Variants in GLT1D1 observed in about 807,000 individuals in gnomAD.
GLT1D1 encodes glycosyltransferase 1 domain-containing protein 1.
Under a neutral mutation model 28.7 loss-of-function variants are expected in GLT1D1, and 21 were observed. The ratio of observed to expected loss-of-function variants is 0.73; its 90% confidence interval spans 0.52 to 1.05. GLT1D1 has a LOEUF of 1.05. GLT1D1 is among the 50% of genes least tolerant of loss of function. The probability of loss-of-function intolerance (pLI) is 0.00; values close to 1 mark genes in which losing one functional copy is unlikely to be tolerated. For missense variants in GLT1D1, 343 were observed against 330.6 expected (o/e 1.04, Z -0.29); for synonymous variants, 147 against 124.8 (o/e 1.18, Z -1.19).
chr12:128,872,540 AG>A (rs1417918805), intron 1 of GLT1D1, among the ~76,000 whole-genome samples: 1 of 152,078 alleles, frequency 6.6e-6, no homozygotes, highest in Non-Finnish European at 1.5e-5. Flanking sequence ...GTTGGAGTGG[AG>A]TGCACTTCTG....
At chr12:128,946,267 C>T (rs1445384744) in intron 5 of GLT1D1, among the ~76,000 whole-genome samples, 2 of 152,176 alleles carry the variant, frequency 1.3e-5, no homozygotes, top group African/African-American at 4.8e-5. Flanking sequence ...ATGTCTATGA[C>T]AAAATAGCTG....
intron 3 of GLT1D1, among the ~76,000 whole-genome samples, chr12:128,897,328 C>T (rs939185059): frequency 1.3e-5 from 2 of 152,098 alleles, no homozygotes; most frequent in African/African-American, 4.8e-5. Context: ...ATGTTTCTTC[C>T]AAATTGTTAT....
At chr12:128,963,974 A>G (rs1038720504) in intron 7 of GLT1D1, among the ~76,000 whole-genome samples, 8 of 152,326 alleles carry the variant, frequency 5.3e-5, no homozygotes, top group Non-Finnish European at 1.0e-4. Flanking sequence ...TAAGCAACAA[A>G]CATTTCTCTC....
At chr12:128,854,324 C>G (rs1956153926) in intron 1 of GLT1D1, among the ~76,000 whole-genome samples, 1 of 151,870 alleles carries the variant, frequency 6.6e-6, no homozygotes, top group African/African-American at 2.4e-5. Context: ...CCTGTATTAG[C>G]CGGATAAACA....
At chr12:128,944,490 TGTCAGAGCATCA>T in intron 4 of GLT1D1, 1 of 1,157,850 alleles carries the variant, frequency 8.6e-7, no homozygotes, top group South Asian at 1.2e-5. Flanking sequence ...GCGGCTCCCC[TGTCAGAGCATCA>T]ATGCCCACAG....
intron 4 of GLT1D1, among the ~76,000 whole-genome samples, chr12:128,900,306 A>G (rs1202513729): frequency 6.6e-6 from 1 of 152,232 alleles, no homozygotes; most frequent in Admixed American, 6.5e-5. Flanking sequence ...TGGGAGGATC[A>G]AGGAACAGGG....
intron 1 of GLT1D1, chr12:128,864,051 G>A: frequency 4.0e-6 from 2 of 506,304 alleles, no homozygotes; most frequent in South Asian, 2.9e-5. Flanking sequence ...GGACTTCCAG[G>A]GGCCTGGCTT....
chr12:128,964,101 C>T (rs1220344889), intron 7 of GLT1D1, among the ~76,000 whole-genome samples: 2 of 152,218 alleles, frequency 1.3e-5, no homozygotes, highest in African/African-American at 2.4e-5. Flanking sequence ...TATAAGGACA[C>T]TAAACTTGGC....
chr12:128,945,543 G>T (rs751862314), intron 5 of GLT1D1, among the ~76,000 whole-genome samples, 174 bp downstream of exon 9: 1 of 152,198 alleles, frequency 6.6e-6, no homozygotes, highest in Non-Finnish European at 1.5e-5. Flanking sequence ...TTTGCCCAGG[G>T]AAAGGCCAAT....
chr12:128,908,127 G>T (rs1041462771), intron 4 of GLT1D1, among the ~76,000 whole-genome samples: 3 of 152,046 alleles, frequency 2.0e-5, no homozygotes, highest in African/African-American at 7.2e-5. Flanking sequence ...TGTCCCCCAC[G>T]CTGGAGTGCA....
chr12:128,923,528 C>CT (rs547430064), intron 4 of GLT1D1, among the ~76,000 whole-genome samples: 2,239 of 144,536 alleles, frequency 0.015, 61 homozygotes, highest in African/African-American at 0.052. Flanking sequence ...TTTTTCTTTT[C>CT]TTTTTTTTTT....
At chr12:128,942,767 T>TTTTTTTTTA (rs1875484677) in intron 4 of GLT1D1, among the ~76,000 whole-genome samples, 1 of 148,884 alleles carries the variant, frequency 6.7e-6, no homozygotes, top group African/African-American at 2.5e-5. Context: ...TTTTTTTTTT[T>TTTTTTTTTA]TGAGACAGAG....
At chr12:128,869,748 A>G (rs1956636214) in intron 1 of GLT1D1, among the ~76,000 whole-genome samples, 1 of 151,996 alleles carries the variant, frequency 6.6e-6, no homozygotes, top group Non-Finnish European at 1.5e-5. Flanking sequence ...GACCCTGCAG[A>G]TGGGCGTCCC....
chr12:128,864,172 G>T, intron 1 of GLT1D1: 2 of 686,212 alleles, frequency 2.9e-6, no homozygotes, highest in South Asian at 1.5e-5. Context: ...CCTGTCAGAC[G>T]ACACACTGTA....
At chr12:128,946,579 C>T (rs987916180) in intron 5 of GLT1D1, among the ~76,000 whole-genome samples, 8 of 151,454 alleles carry the variant, frequency 5.3e-5, no homozygotes, top group Admixed American at 2.6e-4. Context: ...CGTGATCACC[C>T]GCTTTGGCCT....
At chr12:128,938,657 C>G (rs899119394) in intron 4 of GLT1D1, among the ~76,000 whole-genome samples, 2 of 152,216 alleles carry the variant, frequency 1.3e-5, no homozygotes, top group African/African-American at 4.8e-5. Context: ...TGGTTTGTAA[C>G]TCATAATGCC....
chr12:128,967,532 A>G (rs1301594195), intron 7 of GLT1D1, among the ~76,000 whole-genome samples: 1 of 152,210 alleles, frequency 6.6e-6, no homozygotes, highest in Non-Finnish European at 1.5e-5. Flanking sequence ...CCCTGGAAAA[A>G]AACCTGCCAA....
At chr12:128,865,000 A>C (rs1346154822) in intron 1 of GLT1D1, among the ~76,000 whole-genome samples, 1 of 152,232 alleles carries the variant, frequency 6.6e-6, no homozygotes, top group African/African-American at 2.4e-5. Context: ...TCACCACCCC[A>C]GCCCTCCCTG....
rs926511432 is a variant in GLT1D1 at position 128,875,799 on chromosome 12, T to TCAA, written c.69-95_69-93dup. 74 of 996,544 alleles carry TCAA rather than the reference T, an allele frequency of 7.4e-5. No homozygotes were observed. In the Middle Eastern group the frequency reaches 2.2e-3, roughly 30 times the overall value. The allele number at this position is 996,544 out of a possible 1,614,324, so 61.7% of individuals were successfully genotyped here. A position where few individuals can be genotyped will look rare whatever the true frequency, so the allele number is the denominator to read the frequency against. On this transcript the variant is annotated intron_variant, in intron 1 of 7. Transcript: ENST00000281703. ...TGGGCAACATGAGTGAAACTCTGTC[T>TCAA]CAACAACAACAACAACAACAACCAA...
Sources: gnomAD v4.1 joint callset for allele counts (sites outside exome capture counted in the v4.1 genomes callset) on GRCh38, gnomAD v4.1.1 for gene constraint, MANE v1.5 for transcripts, NCBI Gene and HGNC (gene_info 2026-07-23, HGNC 2026-07-21) for gene names.